TRPC3: variants seen among roughly 807,000 people sequenced by gnomAD.
TRPC3 encodes transient receptor potential cation channel subfamily C member 3, also known as short transient receptor potential channel 3.
Under a neutral mutation model 90.9 loss-of-function variants are expected in TRPC3, and 54 were observed. The ratio of observed to expected loss-of-function variants is 0.59; its 90% CI spans 0.48 to 0.75. The LOEUF (loss-of-function observed/expected upper bound fraction) is 0.75, where lower values mean the gene tolerates loss of function less well. Ranked by LOEUF, TRPC3 falls within the 30% of genes least tolerant of loss-of-function variation. The probability of loss-of-function intolerance (pLI) is 0.00; values close to 1 mark genes in which losing one functional copy is unlikely to be tolerated. For synonymous variants in TRPC3, 424 were observed against 450.9 expected (o/e 0.94, Z 0.75); for missense variants, 918 against 1,194.5 (o/e 0.77, Z 3.41).
chr4:121,890,150 C>T (rs1728271768), intron 10 of TRPC3, among the ~76,000 whole-genome samples: 1 of 151,996 alleles, frequency 6.6e-6, no homozygotes, highest in African/African-American at 2.4e-5. Context: ...TAGTGGCTAC[C>T]AGAAGTTGGA....
chr4:121,948,841 T>G (rs1279935697), intron 1 of TRPC3, among the ~76,000 whole-genome samples: 2 of 11,474 alleles, frequency 1.7e-4, no homozygotes, highest in Non-Finnish European at 2.6e-4. Context: ...CTCTTTGCGG[T>G]TTTTTTTTTG....
Position 121,894,566 on chromosome 4 carries a change from T to TG in TRPC3, c.2547+5045_2547+5046insC, listed in dbSNP as rs1339690061. Among the ~76,000 whole-genome samples, 9 of 136,228 alleles carry TG rather than the reference T, an allele frequency of 6.6e-5. No individual in the cohort carries two copies. In the South Asian group the frequency reaches 7.6e-4, roughly 11 times the overall value. 89.4% of individuals were successfully genotyped at this position (136,228 alleles called of 152,430 possible). Reference sequence around the variant, plus strand: ...AAAGTACACATTCTGTTTTTTTTTTTTTTTTTTTTTTTTTTGAGACAGTGT... The same window carrying TG: ...AAAGTACACATTCTGTTTTTTTTTTTGTTTTTTTTTTTTTTTGAGACAGTGT... On this transcript the variant is annotated intron_variant, in intron 10 of 11. Transcript: ENST00000379645.
intron 10 of TRPC3, among the ~76,000 whole-genome samples, chr4:121,894,409 G>A (rs1217719268): frequency 6.6e-6 from 1 of 151,440 alleles, no homozygotes. Flanking sequence ...ATAATAGTTG[G>A]GAACTTCAAC....
At chr4:121,886,038 C>A (rs1032420506) in intron 10 of TRPC3, among the ~76,000 whole-genome samples, 1 of 152,154 alleles carries the variant, frequency 6.6e-6, no homozygotes, top group Non-Finnish European at 1.5e-5. Context: ...GCGGTACTTA[C>A]TTCAAACAGT....
rs748904058 is a variant in TRPC3 at position 121,932,835 on chromosome 4, G to A, written c.423C>T (p.Asn141=). 6.2e-7 allele frequency: 1 copy of A among 1,609,966 alleles called. No homozygotes were observed. The highest frequency in any genetic ancestry group is 1.3e-5 in the African/African-American group (1 of 74,894). Residue 141 remains asparagine, a synonymous_variant, in exon 2 of 12, where the codon AAC becomes AAT. Transcript: ENST00000379645. The surrounding 1 kb of genome is among the most constrained non-coding windows in gnomAD (Gnocchi z 7.7). ...MLEESKTLNV[N]CVDYMGQNAL... ...CGTTCTGGCCCATGTAGTCCACGCA[G>A]TTGACGTTCAGCGTCTTGGACTCCT...
intron 1 of TRPC3, among the ~76,000 whole-genome samples, chr4:121,934,899 G>T (rs1184631520): frequency 6.6e-6 from 1 of 152,184 alleles, no homozygotes; most frequent in Admixed American, 6.5e-5. Context: ...GTTGACTTAT[G>T]CAAGGACACA....
chr4:121,946,415 G>A (rs1023893778), intron 1 of TRPC3, among the ~76,000 whole-genome samples: 9 of 152,116 alleles, frequency 5.9e-5, no homozygotes, highest in Non-Finnish European at 1.0e-4. Flanking sequence ...ACAAGGACAC[G>A]ATGTGACAAA....
intron 1 of TRPC3, among the ~76,000 whole-genome samples, chr4:121,949,538 A>G (rs926400160): frequency 6.6e-6 from 1 of 152,210 alleles, no homozygotes; most frequent in African/African-American, 2.4e-5. Flanking sequence ...CTGTTTATGA[A>G]ACAGTGGCCG....
intron 1 of TRPC3, among the ~76,000 whole-genome samples, chr4:121,938,191 T>C (rs112964466): frequency 2.4e-3 from 364 of 152,278 alleles, no homozygotes; most frequent in African/African-American, 7.4e-3. Context: ...AGTTTCTAAA[T>C]CTCTTCCTAG....
chr4:121,887,854 C>G (rs549276613), intron 10 of TRPC3, among the ~76,000 whole-genome samples: 1 of 152,212 alleles, frequency 6.6e-6, no homozygotes, highest in Non-Finnish European at 1.5e-5. Flanking sequence ...AGAATTTAAT[C>G]ATGGCCATCC....
rs550664758 is a variant in TRPC3, at chr4:121,930,398, A to G, written c.987+1873T>C. On this transcript the variant is annotated intron_variant, in intron 2 of 11. Transcript: ENST00000379645. ...CTCTCTTTTTGCCTCTTTATTTGTG[A>G]TATTTCCCCACCCCTGAAAGGTTAT... 1.5e-3 allele frequency among the ~76,000 whole-genome samples: 228 copies of G among 152,232 alleles called. 1 individual carries two copies. The highest frequency in any genetic ancestry group is 3.4e-3 in the Middle Eastern group (1 of 294).
intron 11 of TRPC3, 115 bp downstream of exon 11, chr4:121,882,239 A>G (rs1727968350): frequency 1.3e-6 from 1 of 799,088 alleles, no homozygotes; most frequent in Non-Finnish European, 2.0e-6. Flanking sequence ...CTCCCATCTT[A>G]GAGGCATCCA....
chr4:121,942,506 T>C (rs1417373714), intron 1 of TRPC3, among the ~76,000 whole-genome samples: 3 of 152,144 alleles, frequency 2.0e-5, no homozygotes, highest in Admixed American at 1.3e-4. Context: ...GAGTTGGAAG[T>C]TGCAGTGAGC....
intron 1 of TRPC3, among the ~76,000 whole-genome samples, chr4:121,947,797 T>A (rs1281046089): frequency 6.6e-6 from 1 of 152,070 alleles, no homozygotes; most frequent in African/African-American, 2.4e-5. Context: ...CTAAACAGGA[T>A]TTTTTTTCTA....
chr4:121,949,624 C>T (rs1578664902), intron 1 of TRPC3, among the ~76,000 whole-genome samples: 2 of 152,326 alleles, frequency 1.3e-5, no homozygotes, highest in South Asian at 4.1e-4. Flanking sequence ...TACCAAGTGA[C>T]AGGCCTGAAA....
At chr4:121,899,801 A>G (rs1728642743) in intron 9 of TRPC3, 106 bp from the exon 10 acceptor site, 2 of 856,306 alleles carry the variant, frequency 2.3e-6, no homozygotes, top group Non-Finnish European at 3.7e-6. Flanking sequence ...CAACATTCCC[A>G]AGAAACATTT....
intron 10 of TRPC3, among the ~76,000 whole-genome samples, chr4:121,898,651 T>G (rs527985206): frequency 5.3e-5 from 8 of 152,284 alleles, no homozygotes; most frequent in South Asian, 2.1e-4. Context: ...TTATATAGTT[T>G]CATATAGCTA....
Position 121,932,369 on chromosome 4 carries a change from G to C in TRPC3, c.889C>G (p.Pro297Ala), listed in dbSNP as rs1729967539. Residue 297 changes from proline to alanine, a missense_variant, in exon 2 of 12, where the codon CCG (proline) becomes GCG (alanine). Physicochemically the swap from Pro to Ala is conservative, Grantham distance 27. Transcript: ENST00000379645. This position sits in a 1 kb window ranked among gnomAD's most constrained non-coding sequence, Gnocchi z 7.7. ...RINAYKGLAS[P>A]AYLSLSSEDP... ...TCGCTGGACAATGAGAGGTAAGCCG[G>C]GCTGGCCAGCCCCTTGTAGGCATTG... The C allele has an allele frequency of 1.2e-6, 2 of 1,614,034 alleles. No homozygotes were observed. Among genetic ancestry groups the C allele is most frequent in the African/African-American group, 2.7e-5 (2 of 74,918 alleles).
chr4:121,951,538 TC>T lies in TRPC3; in HGVS notation c.142del (p.Glu48SerfsTer33). Reference sequence around the variant, plus strand: ...CCGCTGCGAGGGCGCCGAGCGCGGCTCCAGCCCCCCGTTGACGCCCCTCCAG... The same window carrying T: ...CCGCTGCGAGGGCGCCGAGCGCGGCTCAGCCCCCCGTTGACGCCCCTCCAG... ...RGWRGVNGGL[E>X]PRSAPSQREP... On this transcript the variant is annotated frameshift_variant, in exon 1 of 12. Transcript: ENST00000379645. LOFTEE classifies it high-confidence loss of function. This position sits in a 1 kb window ranked among gnomAD's most constrained non-coding sequence, Gnocchi z 4.4. 7.1e-7 allele frequency: 1 copy of T among 1,415,932 alleles called. No individual in the cohort carries two copies. Among genetic ancestry groups the T allele is most frequent in the Non-Finnish European group, 9.2e-7 (1 of 1,082,828 alleles). 87.7% of individuals were successfully genotyped at this position (1,415,932 alleles called of 1,614,324 possible).
Sources: gnomAD v4.1 joint callset for allele counts (sites outside exome capture counted in the v4.1 genomes callset) on GRCh38, gnomAD v4.1.1 for gene constraint, Gnocchi (gnomAD v3.1) non-coding constraint, MANE v1.5 for transcripts, NCBI Gene and HGNC (gene_info 2026-07-23, HGNC 2026-07-21) for gene names.